SRPK2: variants seen among roughly 807,000 people sequenced by gnomAD.
The protein encoded by SRPK2 is SFRS protein kinase 2.
Under a neutral mutation model 90.8 loss-of-function variants are expected in SRPK2, and 21 were observed. The observed-to-expected ratio is 0.23, with a 90% confidence interval of 0.16 to 0.33. The LOEUF is 0.33. SRPK2 is among the 10% of genes least tolerant of loss of function. SRPK2 has a pLI of 1.00. For synonymous variants in SRPK2, 288 were observed against 311.1 expected (o/e 0.93, Z 0.78); for missense variants, 620 against 869.0 (o/e 0.71, Z 3.60).
intron 2 of SRPK2, among the ~76,000 whole-genome samples, chr7:105,349,331 C>T (rs1167643251): frequency 2.0e-5 from 3 of 150,802 alleles, no homozygotes; most frequent in East Asian, 2.0e-4. Flanking sequence ...AAGACCAGCC[C>T]GACCAACATG....
chr7:105,199,999 A>T (rs1423961525), intron 3 of SRPK2, among the ~76,000 whole-genome samples: 1 of 151,966 alleles, frequency 6.6e-6, no homozygotes, highest in Non-Finnish European at 1.5e-5. Context: ...ACTGTACTTG[A>T]AGGTAAAGAA....
rs796989623 is a variant in SRPK2, at chr7:105,309,235, G to GA, written c.71+79412dup. 3.8e-3 allele frequency among the ~76,000 whole-genome samples: 463 copies of GA among 121,412 alleles called. 1 individual carries two copies. The highest frequency in any genetic ancestry group is 0.017 in the Middle Eastern group (4 of 230). The allele number at this position is 121,412 out of a possible 152,430, so 79.7% of individuals were successfully genotyped here. Reference sequence around the variant, plus strand: ...TATAAATATTTGCTGAAGGTTACAAGAAAAAAAAAAAAGCTCATTTTACCT... The same window carrying GA: ...TATAAATATTTGCTGAAGGTTACAAGAAAAAAAAAAAAAGCTCATTTTACCT... On this transcript the variant is annotated intron_variant, in intron 2 of 15. Transcript: ENST00000393651.
rs61334733 is a variant in SRPK2 at position 105,233,804 on chromosome 7, G to A, written c.72-30019C>T. ...GAACCTGGGACTCAGAGATTGCAGT[G>A]AGCCAATGCACTCCAGCAGCCTCGG... On this transcript the variant is annotated intron_variant, in intron 2 of 15. Transcript: ENST00000393651. 3.2e-3 allele frequency among the ~76,000 whole-genome samples: 485 copies of A among 152,092 alleles called. 2 individuals are homozygous for A. Among genetic ancestry groups the A allele is most frequent in the African/African-American group, 0.011 (466 of 41,468 alleles).
At chr7:105,377,013 T>G (rs1180396832) in intron 2 of SRPK2, among the ~76,000 whole-genome samples, 2 of 152,074 alleles carry the variant, frequency 1.3e-5, no homozygotes, top group Non-Finnish European at 2.9e-5. Flanking sequence ...TTGCTTTTAT[T>G]TTAAAACACT....
chr7:105,205,515 TCTCACACACACACACACACACACACACA>T (rs1391939675), intron 2 of SRPK2, among the ~76,000 whole-genome samples: 10 of 111,822 alleles, frequency 8.9e-5, no homozygotes, highest in East Asian at 3.0e-4. Flanking sequence ...TCTCTCTCTC[TCTCACACACACACACACACACACACACA>T]CACACACACA....
At chr7:105,217,045 G>C (rs1381456357) in intron 2 of SRPK2, among the ~76,000 whole-genome samples, 1 of 152,176 alleles carries the variant, frequency 6.6e-6, no homozygotes, top group African/African-American at 2.4e-5. Flanking sequence ...TTCCAGCTGT[G>C]ACCAATAAAT....
chr7:105,354,570 T>C (rs973722523), intron 2 of SRPK2, among the ~76,000 whole-genome samples: 1 of 152,168 alleles, frequency 6.6e-6, no homozygotes, highest in African/African-American at 2.4e-5. Flanking sequence ...TGCATAGCAA[T>C]GCAAGAGATC....
intron 7 of SRPK2, among the ~76,000 whole-genome samples, chr7:105,155,532 T>C (rs1806366406): frequency 6.6e-5 from 10 of 152,136 alleles, no homozygotes; most frequent in Admixed American, 6.6e-4. Context: ...CAATCAGGGA[T>C]GGTGACAGCT....
intron 2 of SRPK2, among the ~76,000 whole-genome samples, chr7:105,338,873 A>C (rs1245189866): frequency 1.3e-5 from 2 of 152,186 alleles, no homozygotes; most frequent in African/African-American, 2.4e-5. Flanking sequence ...ATACCACCTG[A>C]AAATAATAAG....
chr7:105,220,056 T>C (rs992367392), intron 2 of SRPK2, among the ~76,000 whole-genome samples: 2 of 152,218 alleles, frequency 1.3e-5, no homozygotes, highest in Non-Finnish European at 2.9e-5. Context: ...AGAACTCAAA[T>C]AGTATCTGAC....
intron 3 of SRPK2, among the ~76,000 whole-genome samples, chr7:105,173,613 C>T (rs1273177265): frequency 1.3e-5 from 2 of 152,162 alleles, no homozygotes; most frequent in East Asian, 3.8e-4. Context: ...TAACTATGTG[C>T]ACCATAATGG....
intron 2 of SRPK2, among the ~76,000 whole-genome samples, chr7:105,348,431 T>A (rs1816735365): frequency 6.7e-6 from 1 of 149,796 alleles, no homozygotes; most frequent in South Asian, 2.1e-4. Context: ...CTTTCTTTTT[T>A]TTTTTTTTTT....
chr7:105,220,876 T>C (rs923652716), intron 2 of SRPK2, among the ~76,000 whole-genome samples: 6 of 152,194 alleles, frequency 3.9e-5, no homozygotes, highest in African/African-American at 9.7e-5. Context: ...CCCTTTACAA[T>C]AGTCTAATCC....
chr7:105,338,193 G>A (rs1815333239), intron 2 of SRPK2, among the ~76,000 whole-genome samples: 1 of 151,934 alleles, frequency 6.6e-6, no homozygotes, highest in Non-Finnish European at 1.5e-5. Context: ...TAAAAGGTGA[G>A]TAGAAACTTT....
intron 2 of SRPK2, among the ~76,000 whole-genome samples, chr7:105,284,730 T>G (rs1449286236): frequency 6.6e-6 from 1 of 152,202 alleles, no homozygotes; most frequent in African/African-American, 2.4e-5. Context: ...GCATCAGTAG[T>G]CCCTTATTTC....
intron 2 of SRPK2, among the ~76,000 whole-genome samples, chr7:105,384,559 A>C (rs1821315914): frequency 6.6e-6 from 1 of 152,212 alleles, no homozygotes; most frequent in Non-Finnish European, 1.5e-5. Context: ...ACATAATTCA[A>C]GTTTGCCAGT....
chr7:105,122,205 A>G (rs1235755761), intron 15 of SRPK2, among the ~76,000 whole-genome samples: 1 of 152,260 alleles, frequency 6.6e-6, no homozygotes, highest in Non-Finnish European at 1.5e-5. Context: ...CAATTCCTAG[A>G]AAAGTAAATC....
intron 7 of SRPK2, among the ~76,000 whole-genome samples, chr7:105,151,114 G>A (rs1805584871): frequency 6.6e-6 from 1 of 152,124 alleles, no homozygotes; most frequent in Admixed American, 6.6e-5. Flanking sequence ...AAAAAAATTG[G>A]CTATTGCACT....
chr7:105,205,935 A>ACG (rs770026895), intron 2 of SRPK2: 1 of 518,880 alleles, frequency 1.9e-6, no homozygotes, highest in Non-Finnish European at 3.8e-6. Context: ...GAAAACACAC[A>ACG]CACACACACA....
Sources: gnomAD v4.1 joint callset for allele counts (sites outside exome capture counted in the v4.1 genomes callset) on GRCh38, gnomAD v4.1.1 for gene constraint, MANE v1.5 for transcripts, NCBI Gene and HGNC (gene_info 2026-07-23, HGNC 2026-07-21) for gene names.